The following WASHC2C variants were observed in gnomAD, a reference collection of about 807,000 sequenced individuals.
WASHC2C encodes Vaccinia Penetration Factor.
In WASHC2C, 73 loss-of-function variants were observed where a neutral mutation model predicts 142.2. The observed-to-expected ratio is 0.51, with a 90% CI of 0.43 to 0.62. The LOEUF is 0.62. Ranked by LOEUF, WASHC2C falls within the 20% of genes least tolerant of loss-of-function variation. The probability of loss-of-function intolerance (pLI) is 0.00; values close to 1 mark genes in which losing one functional copy is unlikely to be tolerated. For synonymous variants in WASHC2C, 337 were observed against 565.5 expected, an observed-to-expected ratio of 0.60 and a Z score of 5.73; for missense variants, 969 against 1,531.7, an observed-to-expected ratio of 0.63 and a Z score of 6.13.
intron 3 of WASHC2C, 131 bp downstream of exon 3, chr10:45,729,157 C>T: frequency 9.2e-7 from 1 of 1,083,966 alleles, no homozygotes; most frequent in South Asian, 2.1e-5. Context: ...GCTTTTTTCT[C>T]TGGGATTAAC....
intron 3 of WASHC2C, among the ~76,000 whole-genome samples, chr10:45,737,718 T>C (rs1384340175): frequency 1.3e-5 from 2 of 152,066 alleles, no homozygotes; most frequent in Non-Finnish European, 2.9e-5. Flanking sequence ...CAACTCTTGG[T>C]TTACAACGAG....
Position 45,764,231 on chromosome 10 carries a change from A to G in WASHC2C, c.1737+742A>G, listed in dbSNP as rs569982406. Among the ~76,000 whole-genome samples, 87 of 149,648 alleles carry G rather than the reference A, an allele frequency of 5.8e-4. No individual in the cohort carries two copies. In the East Asian group the frequency reaches 7.8e-3, roughly 13 times the overall value. ...AGGTGATTAACATATAAATAGTATAATATCTATTTATATATTTTTGTATTC... is the reference window on the plus strand; with the variant it reads ...AGGTGATTAACATATAAATAGTATAGTATCTATTTATATATTTTTGTATTC... On this transcript the variant is annotated intron_variant, in intron 18 of 30. Coordinates refer to ENST00000623400, the MANE Select transcript of WASHC2C (RefSeq NM_001330074.2).
chr10:45,729,172 CT>C, intron 3 of WASHC2C, 146 bp downstream of exon 3: 3 of 1,047,762 alleles, frequency 2.9e-6, no homozygotes, highest in Non-Finnish European at 3.9e-6. Flanking sequence ...ATTAACGCCT[CT>C]TTTTTATTTG....
chr10:45,761,730 A>C (rs774105654), intron 17 of WASHC2C, among the ~76,000 whole-genome samples: 13 of 152,176 alleles, frequency 8.5e-5, no homozygotes, highest in Non-Finnish European at 1.9e-4. Context: ...CAGTACCAAG[A>C]AAGGTATCAG....
rs1554885283 is a variant in WASHC2C, at chr10:45,773,277, G to A, written c.2061G>A (p.Val687=). ...GTAGCCAAAAGAAGACCCAGAGAGT[G>A]TCACTCCTCTTTGAAGACGATGTTG... The part of the protein sequence containing the change: ...AKDSQKKTQR[V]SLLFEDDVDS... The change falls in exon 21 of 31, where the codon GTG becomes GTA. Residue 687 remains valine (V), a synonymous_variant. Transcript: ENST00000623400. The A allele has an allele frequency of 1.1e-6, 1 of 922,680 alleles. No homozygotes were observed. The highest frequency in any genetic ancestry group is 2.6e-5 in the East Asian group (1 of 38,910). The allele number at this position is 922,680 out of a possible 1,614,324, so 57.2% of individuals were successfully genotyped here.
At chr10:45,744,423 G>A (rs1281110037) in intron 6 of WASHC2C, among the ~76,000 whole-genome samples, 610 of 142,380 alleles carry the variant, frequency 4.3e-3, no homozygotes, top group African/African-American at 0.015. Context: ...ACATTTTGCC[G>A]TTTGTCCCAG....
chr10:45,727,501 A>C lies in WASHC2C; in HGVS notation c.88A>C (p.Arg30=), dbSNP rs749734426. The C allele has an allele frequency of 1.2e-6, 2 of 1,603,276 alleles. No homozygotes were observed. Among genetic ancestry groups the C allele is most frequent in the Non-Finnish European group, 1.7e-6 (2 of 1,176,498 alleles). The change falls in exon 2 of 31, where the codon AGG becomes CGG. Residue 30 remains arginine (R), a synonymous_variant. Coordinates refer to ENST00000623400, the MANE Select transcript of WASHC2C (RefSeq NM_001330074.2). ...ERPWSVEEIR[R]SSQSWSLAAD... ...GCCGTGGTCGGTGGAGGAGATCCGCAGGAGCAGCCAGAGCTGGTCGCTGGC... is the reference window on the plus strand; with the variant it reads ...GCCGTGGTCGGTGGAGGAGATCCGCCGGAGCAGCCAGAGCTGGTCGCTGGC...
At position 45,764,483 on chromosome 10, in the gene WASHC2C, G is replaced by A. The variant is rs1344979798; in HGVS notation, c.1737+994G>A. On this transcript the variant is annotated intron_variant, in intron 18 of 30. Transcript: ENST00000623400. ...CATATACCCAATGACCTACAAGAAT[G>A]TTTTGGATCAAGTGGAGATACAAAG... Among the ~76,000 whole-genome samples, 6 of 150,692 alleles carry A rather than the reference G, an allele frequency of 4.0e-5. 1 individual carries two copies. Among genetic ancestry groups the A allele is most frequent in the African/African-American group, 1.5e-4 (6 of 40,272 alleles).
intron 4 of WASHC2C, 133 bp downstream of exon 4, chr10:45,738,178 A>G: frequency 6.4e-7 from 1 of 1,571,286 alleles, no homozygotes; most frequent in South Asian, 1.1e-5. Context: ...CAGCAGCCCA[A>G]GAGGGGATTC....
chr10:45,786,059 T>C (rs2597014), intron 26 of WASHC2C: 6 of 273,906 alleles, frequency 2.2e-5, no homozygotes, highest in South Asian at 4.1e-5. Context: ...AGCAGTCTTC[T>C]CAGAACGCTG....
chr10:45,728,473 T>C (rs1564681124), intron 2 of WASHC2C, among the ~76,000 whole-genome samples: 1 of 152,098 alleles, frequency 6.6e-6, no homozygotes, highest in African/African-American at 2.4e-5. Context: ...GCACAGTGGC[T>C]CACACCTGTA....
Position 45,784,293 on chromosome 10 carries a change from C to CACACATATATATAT in WASHC2C, c.2479-271_2479-270insCACATATATATATA, listed in dbSNP as rs1305333868. On this transcript the variant is annotated intron_variant, in intron 23 of 30. Coordinates refer to ENST00000623400, the MANE Select transcript of WASHC2C (RefSeq NM_001330074.2). The stretch of plus-strand genomic sequence containing the variant: ...ATATATATATATATATATATATACA[C>CACACATATATATAT]ATATATATATATATATATACACACA... Among the ~76,000 whole-genome samples the CACACATATATATAT allele has an allele frequency of 8.0e-4, 51 of 63,642 alleles. 1 individual carries two copies. Among genetic ancestry groups the CACACATATATATAT allele is most frequent in the African/African-American group, 2.5e-3 (48 of 19,534 alleles). 41.8% of individuals were successfully genotyped at this position (63,642 alleles called of 152,430 possible).
In WASHC2C at chr10:45,755,065, A is replaced by G. The variant is rs2054072304; in HGVS notation, c.1370A>G (p.Asp457Gly). 1.2e-6 allele frequency: 2 copies of G among 1,611,546 alleles called. No individual in the cohort carries two copies. The highest frequency in any genetic ancestry group is 2.2e-5 in the East Asian group (1 of 44,886). The change falls in exon 15 of 31, where the codon GAT becomes GGT. Residue 457 changes from aspartate to glycine, a missense_variant. Coordinates refer to ENST00000623400, the MANE Select transcript of WASHC2C (RefSeq NM_001330074.2). Reference sequence around the variant, plus strand: ...GGCCTCTTTGATGATGATGATGGTGATGATGATGACGACTTTTTCTCGGCA... The same window carrying G: ...GGCCTCTTTGATGATGATGATGGTGGTGATGATGACGACTTTTTCTCGGCA... The part of the protein sequence containing the change: ...PTGLFDDDDG[D>G]DDDDFFSAPH...
At position 45,751,647 on chromosome 10, in the gene WASHC2C, T is replaced by A. The variant is rs1381119254; in HGVS notation, c.1003+94T>A. On this transcript the variant is annotated intron_variant, in intron 11 of 30. Transcript: ENST00000623400. ...ATGAAGTACTGCTTTACATGCTGTT[T>A]TCCCTCTGACAAATGGGTCTGTCTC... is the stretch of plus-strand genomic sequence containing the variant. 7.8e-6 allele frequency: 8 copies of A among 1,021,620 alleles called. No individual in the cohort carries two copies. The African/African-American group carries it at 1.3e-4, about 17-fold the overall frequency. The allele number at this position is 1,021,620 out of a possible 1,614,324, so 63.3% of individuals were successfully genotyped here. A position where few individuals can be genotyped will look rare whatever the true frequency, so the allele number is the denominator to read the frequency against.
Position 45,727,464 on chromosome 10 carries a change from C to G in WASHC2C, c.51C>G (p.Pro17=). 5 of 1,610,252 alleles carry G rather than the reference C, an allele frequency of 3.1e-6. No individual in the cohort carries two copies. The highest frequency in any genetic ancestry group is 2.2e-5 in the East Asian group (1 of 44,754). ...AGGAGCTGGTGCCGGCGTCGGAGCC[C>G]GTGTGGGAGCGGCCGTGGTCGGTGG... ...PDQELVPASE[P]VWERPWSVEE... is the part of the protein sequence containing the mutation. Residue 17 remains proline (P), a synonymous_variant, in exon 2 of 31, where the codon CCC becomes CCG. Coordinates refer to ENST00000623400, the MANE Select transcript of WASHC2C (RefSeq NM_001330074.2).
chr10:45,781,100 TAAG>T (rs1453532900), intron 23 of WASHC2C, among the ~76,000 whole-genome samples: 1 of 151,758 alleles, frequency 6.6e-6, no homozygotes, highest in African/African-American at 2.4e-5. Flanking sequence ...TGAATGAAAT[TAAG>T]AAATCAGTTT....
chr10:45,785,041 G>A (rs1439562521), intron 25 of WASHC2C, 140 bp downstream of exon 25: 10 of 1,584,094 alleles, frequency 6.3e-6, no homozygotes, highest in African/African-American at 1.4e-5. Flanking sequence ...AACATGCCGA[G>A]GGGAGCGTGT....
chr10:45,789,104 T>A lies in WASHC2C; in HGVS notation c.3321T>A (p.Pro1107=). 6.2e-7 allele frequency: 1 copy of A among 1,612,086 alleles called. No individual in the cohort carries two copies. Among genetic ancestry groups the A allele is most frequent in the Non-Finnish European group, 8.5e-7 (1 of 1,179,864 alleles). Residue 1107 remains proline, a synonymous_variant, in exon 29 of 31, where the codon CCT becomes CCA. Transcript: ENST00000623400. ...CCGCTGCACCTTGGGAAGGTGGTCC[T>A]GTGCCTGGAGTGGACACAAGCCCCT... is the stretch of plus-strand genomic sequence containing the variant. ...AAAAAPWEGG[P]VPGVDTSPFA... is the part of the protein sequence containing the mutation.
Position 45,790,515 on chromosome 10 carries a change from A to G in WASHC2C, c.3868A>G (p.Ile1290Val), listed in dbSNP as rs2058334372. 2.5e-6 allele frequency: 4 copies of G among 1,611,646 alleles called. No individual in the cohort carries two copies. Among genetic ancestry groups the G allele is most frequent in the African/African-American group, 1.3e-5 (1 of 74,812 alleles). ...CAAAAAGAAAGTGGAAGCCAAGTCTATATTTGATGATGATATGGGTAAGTT... is the reference window on the plus strand; with the variant it reads ...CAAAAAGAAAGTGGAAGCCAAGTCTGTATTTGATGATGATATGGGTAAGTT... ...KSKKKVEAKS[I>V]FDDDMDDIFS... Residue 1290 changes from isoleucine to valine, a missense_variant, in exon 30 of 31, where the codon ATA becomes GTA. Transcript: ENST00000623400.
Sources: gnomAD v4.1 joint callset for allele counts (sites outside exome capture counted in the v4.1 genomes callset) on GRCh38, gnomAD v4.1.1 for gene constraint, MANE v1.5 for transcripts, NCBI Gene and HGNC (gene_info 2026-07-23, HGNC 2026-07-21) for gene names.